The following HLA-DMB variants were observed in gnomAD, a reference collection of about 807,000 sequenced individuals.
HLA-DMB encodes major histocompatibility complex, class II, DM beta.
Under a neutral mutation model 29.3 loss-of-function variants are expected in HLA-DMB, and 18 were observed. The ratio of observed to expected loss-of-function variants is 0.62; its 90% CI spans 0.43 to 0.91. HLA-DMB has a LOEUF of 0.91. Among genes scored for constraint, HLA-DMB ranks in the 40% least tolerant of loss-of-function variants. The pLI is 0.00. For missense variants in HLA-DMB, 258 were observed against 320.9 expected, an observed-to-expected ratio of 0.80 and a Z score of 1.50; for synonymous variants, 143 against 128.7, an observed-to-expected ratio of 1.11 and a Z score of -0.75.
At position 32,937,375 on chromosome 6, in the gene HLA-DMB, A is replaced by C; in HGVS notation, c.419T>G (p.Phe140Cys). 6.2e-7 allele frequency: 1 copy of C among 1,614,212 alleles called. No individual in the cohort carries two copies. The highest frequency in any genetic ancestry group is 8.5e-7 in the Non-Finnish European group (1 of 1,180,028). The change falls in exon 3 of 6, where the codon TTC (phenylalanine) becomes TGC (cysteine). Residue 140 changes from phenylalanine to cysteine, a missense_variant. Coordinates refer to ENST00000418107, the MANE Select transcript of HLA-DMB (RefSeq NM_002118.5). This position sits in a 1 kb window ranked among gnomAD's most constrained non-coding sequence, Gnocchi z 4.1. The part of the protein sequence containing the change: ...PVMLACYVWG[F>C]YPAEVTITWR... ...CGTGATAGTCACTTCTGCTGGATAG[A>C]AGCCCCACACATAGCAGGCCAGCAT...
chr6:32,938,659 C>T, intron 2 of HLA-DMB, 25 bp downstream of exon 2: 1 of 1,440,160 alleles, frequency 6.9e-7, no homozygotes, highest in Non-Finnish European at 9.2e-7. Context: ...TTCCTGGTAG[C>T]CCCTCTGCAC....
chr6:32,935,417 A>G (rs745508379), intron 4 of HLA-DMB, 40 bp from the exon 5 acceptor site: 1 of 1,566,794 alleles, frequency 6.4e-7, no homozygotes, highest in Non-Finnish European at 8.8e-7. Flanking sequence ...GTCTTTGTGG[A>G]TGAAAATATC....
Position 32,935,334 on chromosome 6 carries a change from G to T in HLA-DMB, c.775+8C>A. The T allele has an allele frequency of 6.2e-7, 1 of 1,609,358 alleles. No homozygotes were observed. Among genetic ancestry groups the T allele is most frequent in the South Asian group, 1.1e-5 (1 of 91,006 alleles). On this transcript the variant is annotated splice_region_variant and intron_variant, in intron 5 of 5. Coordinates refer to ENST00000418107, the MANE Select transcript of HLA-DMB (RefSeq NM_002118.5). Reference sequence around the variant, plus strand: ...GCAAGTAGGGAAACAGACCAACAGAGATGTTACCTTCTGAATAATTGGACC... The same window carrying T: ...GCAAGTAGGGAAACAGACCAACAGATATGTTACCTTCTGAATAATTGGACC...
At position 32,940,898 on chromosome 6, in the gene HLA-DMB, TG is replaced by T; in HGVS notation, c.-92del. On this transcript the variant is annotated 5_prime_UTR_variant, in exon 1 of 6. Coordinates refer to ENST00000418107, the MANE Select transcript of HLA-DMB (RefSeq NM_002118.5). ...CTCGCCTGTCCCAGAAGCCCCAGCCTGGGTAGATGATCTCCAGACACTGAGC... is the reference window on the plus strand; with the variant it reads ...CTCGCCTGTCCCAGAAGCCCCAGCCTGGTAGATGATCTCCAGACACTGAGC... 1 of 970,468 alleles carries T rather than the reference TG, an allele frequency of 1.0e-6. No homozygotes were observed. The highest frequency in any genetic ancestry group is 2.1e-5 in the Admixed American group (1 of 47,868). The allele number at this position is 970,468 out of a possible 1,614,324, so 60.1% of individuals were successfully genotyped here.
intron 1 of HLA-DMB, among the ~76,000 whole-genome samples, chr6:32,939,597 T>A (rs1367480519): frequency 6.6e-6 from 1 of 152,222 alleles, no homozygotes; most frequent in Non-Finnish European, 1.5e-5. Context: ...ATACTTTATA[T>A]CATTTCAAAT....
intron 1 of HLA-DMB, among the ~76,000 whole-genome samples, chr6:32,939,832 AG>A (rs1462140170): frequency 6.6e-6 from 1 of 152,172 alleles, no homozygotes; most frequent in Admixed American, 6.5e-5. Context: ...AACCCCAAGG[AG>A]GGGGTCATGG....
chr6:32,934,859 A>T lies in HLA-DMB; in HGVS notation c.*112T>A. 8.9e-7 allele frequency: 1 copy of T among 1,126,664 alleles called. No individual in the cohort carries two copies. Among genetic ancestry groups the T allele is most frequent in the Admixed American group, 1.9e-5 (1 of 52,882 alleles). 69.8% of individuals were successfully genotyped at this position (1,126,664 alleles called of 1,614,324 possible). A position where few individuals can be genotyped will look rare whatever the true frequency, so the allele number is the denominator to read the frequency against. On this transcript the variant is annotated 3_prime_UTR_variant, in exon 6 of 6. Coordinates refer to ENST00000418107, the MANE Select transcript of HLA-DMB (RefSeq NM_002118.5). Reference sequence around the variant, plus strand: ...GGAAATTCAAAGAATTGGATGGAGAAACCATAGGATCCAAGATAATGTCAG... The same window carrying T: ...GGAAATTCAAAGAATTGGATGGAGATACCATAGGATCCAAGATAATGTCAG...
rs576084854 is a variant in HLA-DMB, at chr6:32,937,043, G to T, written c.622+129C>A. ...TCCCATTTCCCCATTCTGGTCCTAA[G>T]CCCCCCGTAAGTTCCTCCAGACTCA... is the stretch of plus-strand genomic sequence containing the variant. On this transcript the variant is annotated intron_variant, in intron 3 of 5. Transcript: ENST00000418107. The surrounding 1 kb of genome is among the most constrained non-coding windows in gnomAD (Gnocchi z 4.1). 2 of 672,758 alleles carry T rather than the reference G, an allele frequency of 3.0e-6. No individual in the cohort carries two copies. The highest frequency in any genetic ancestry group is 3.2e-5 in the South Asian group (1 of 31,158). The allele number at this position is 672,758 out of a possible 1,614,324, so 41.7% of individuals were successfully genotyped here.
At position 32,940,930 on chromosome 6, in the gene HLA-DMB, A is replaced by G. The variant is rs1776324635; in HGVS notation, c.-123T>C. ...ATGATCTCCAGACACTGAGCAGAAT[A>G]CTATATTGCCCGGGTCCCTTGACCC... On this transcript the variant is annotated 5_prime_UTR_variant, in exon 1 of 6. Coordinates refer to ENST00000418107, the MANE Select transcript of HLA-DMB (RefSeq NM_002118.5). The G allele has an allele frequency of 1.5e-6, 1 of 685,672 alleles. No individual in the cohort carries two copies. The highest frequency in any genetic ancestry group is 1.8e-5 in the African/African-American group (1 of 56,258). The allele number at this position is 685,672 out of a possible 1,614,324, so 42.5% of individuals were successfully genotyped here. A position where few individuals can be genotyped will look rare whatever the true frequency, so the allele number is the denominator to read the frequency against.
chr6:32,937,614 A>C lies in HLA-DMB; in HGVS notation c.338-158T>G. The C allele has an allele frequency of 1.6e-6, 1 of 622,178 alleles. No homozygotes were observed. The highest frequency in any genetic ancestry group is 2.8e-6 in the Non-Finnish European group (1 of 355,142). 38.5% of individuals were successfully genotyped at this position (622,178 alleles called of 1,614,324 possible). A position where few individuals can be genotyped will look rare whatever the true frequency, so the allele number is the denominator to read the frequency against. The stretch of plus-strand genomic sequence containing the variant: ...TGCCCCTTGAAGGGGAACCGTTAGA[A>C]TGTATTCCTGCATTACTCTTTCTTC... On this transcript the variant is annotated intron_variant, in intron 2 of 5. Transcript: ENST00000418107. The surrounding 1 kb of genome is among the most constrained non-coding windows in gnomAD (Gnocchi z 4.1).
Position 32,935,286 on chromosome 6 carries a change from C to G in HLA-DMB, c.775+56G>C, listed in dbSNP as rs952673072. ...TTAGTTGAACCCAACACTGACCCCTCTAACCCGCACCCCTACCAAAGGGCA... is the reference window on the plus strand; with the variant it reads ...TTAGTTGAACCCAACACTGACCCCTGTAACCCGCACCCCTACCAAAGGGCA... On this transcript the variant is annotated intron_variant, in intron 5 of 5. Transcript: ENST00000418107. The G allele has an allele frequency of 5.5e-5, 79 of 1,430,402 alleles. No homozygotes were observed. The African/African-American group carries it at 1.0e-3, about 19-fold the overall frequency. The allele number at this position is 1,430,402 out of a possible 1,614,324, so 88.6% of individuals were successfully genotyped here. A position where few individuals can be genotyped will look rare whatever the true frequency, so the allele number is the denominator to read the frequency against.
Position 32,937,319 on chromosome 6 carries a change from G to A in HLA-DMB, c.475C>T (p.His159Tyr), listed in dbSNP as rs754512342. 1.2e-6 allele frequency: 2 copies of A among 1,614,178 alleles called. No homozygotes were observed. Among genetic ancestry groups the A allele is most frequent in the South Asian group, 2.2e-5 (2 of 91,086 alleles). ...TGGGCAGTCTTGTGCGCACTGCTGT[G>A]AGGCATGACAAGCTTCCCGTTCTTC... ...WRKNGKLVMPHSSAHKTAQPN... is the reference protein window; with the variant it reads ...WRKNGKLVMPYSSAHKTAQPN... The change falls in exon 3 of 6, where the codon CAC becomes TAC. Residue 159 changes from histidine (H) to tyrosine (Y), a missense_variant. Physicochemically the swap from His to Tyr is moderately conservative, Grantham distance 83. Coordinates refer to ENST00000418107, the MANE Select transcript of HLA-DMB (RefSeq NM_002118.5). The surrounding 1 kb of genome is among the most constrained non-coding windows in gnomAD (Gnocchi z 4.1).
At chr6:32,939,973 T>C (rs752930618) in intron 1 of HLA-DMB, among the ~76,000 whole-genome samples, 3 of 151,442 alleles carry the variant, frequency 2.0e-5, no homozygotes, top group Non-Finnish European at 4.4e-5. Context: ...CTATGTTAAC[T>C]CTAGTTAATG....
chr6:32,938,720 T>C lies in HLA-DMB; in HGVS notation c.301A>G (p.Thr101Ala). Reference protein sequence around the residue: ...RNGLQNCATHTQPFWGSLTNR... With the variant: ...RNGLQNCATHAQPFWGSLTNR... Reference sequence around the variant, plus strand: ...GTCAGTGATCCCCAGAAGGGCTGGGTGTGTGTGGCACAATTCTGAAGCCCA... The same window carrying C: ...GTCAGTGATCCCCAGAAGGGCTGGGCGTGTGTGGCACAATTCTGAAGCCCA... Residue 101 changes from threonine (T) to alanine (A), a missense_variant, in exon 2 of 6, where the codon ACC becomes GCC. Coordinates refer to ENST00000418107, the MANE Select transcript of HLA-DMB (RefSeq NM_002118.5). The C allele has an allele frequency of 6.4e-7, 1 of 1,564,766 alleles. No individual in the cohort carries two copies. Among genetic ancestry groups the C allele is most frequent in the Non-Finnish European group, 8.7e-7 (1 of 1,153,986 alleles).
Position 32,937,200 on chromosome 6 carries a change from C to A in HLA-DMB, c.594G>T (p.Gly198=). ...DTYTCVVEHT[G]APEPILRDWT... ...AGTCCCGAAGGATGGGCTCAGGAGCCCCAGTGTGCTCTACCACACAGGTGT... is the reference window on the plus strand; with the variant it reads ...AGTCCCGAAGGATGGGCTCAGGAGCACCAGTGTGCTCTACCACACAGGTGT... The change falls in exon 3 of 6, where the codon GGG becomes GGT. Residue 198 remains glycine, a synonymous_variant. Transcript: ENST00000418107. This position sits in a 1 kb window ranked among gnomAD's most constrained non-coding sequence, Gnocchi z 4.1. The A allele has an allele frequency of 1.2e-6, 2 of 1,603,852 alleles. No individual in the cohort carries two copies. Among genetic ancestry groups the A allele is most frequent in the Non-Finnish European group, 1.7e-6 (2 of 1,172,606 alleles).
Position 32,937,295 on chromosome 6 carries a change from G to C in HLA-DMB, c.499C>G (p.Gln167Glu). Reference sequence around the variant, plus strand: ...TGGTATGTCCAGTCTCCATTGGGCTGGGCAGTCTTGTGCGCACTGCTGTGA... The same window carrying C: ...TGGTATGTCCAGTCTCCATTGGGCTCGGCAGTCTTGTGCGCACTGCTGTGA... ...MPHSSAHKTA[Q>E]PNGDWTYQTL... is the part of the protein sequence containing the mutation. The change falls in exon 3 of 6, where the codon CAG becomes GAG. Residue 167 changes from glutamine to glutamate, a missense_variant. By Grantham distance (29) the Gln-to-Glu change is conservative. Coordinates refer to ENST00000418107, the MANE Select transcript of HLA-DMB (RefSeq NM_002118.5). The surrounding 1 kb of genome is among the most constrained non-coding windows in gnomAD (Gnocchi z 4.1). The C allele has an allele frequency of 6.2e-7, 1 of 1,614,150 alleles. No homozygotes were observed. Among genetic ancestry groups the C allele is most frequent in the Non-Finnish European group, 8.5e-7 (1 of 1,180,022 alleles).
intron 3 of HLA-DMB, chr6:32,935,870 C>T (rs1486738169): frequency 6.9e-6 from 4 of 582,858 alleles, no homozygotes; most frequent in South Asian, 2.1e-5. Flanking sequence ...CCCATCTCCC[C>T]AGAATTAGCA....
In HLA-DMB at chr6:32,937,702, T is replaced by G. The variant is rs1776092281; in HGVS notation, c.338-246A>C. ...CTCCAGAATTATGTTTGATTACAATTAGTAAAAGCCAGATCTGAACTGCAA... is the reference window on the plus strand; with the variant it reads ...CTCCAGAATTATGTTTGATTACAATGAGTAAAAGCCAGATCTGAACTGCAA... On this transcript the variant is annotated intron_variant, in intron 2 of 5. Transcript: ENST00000418107. The surrounding 1 kb of genome is among the most constrained non-coding windows in gnomAD (Gnocchi z 4.1). 3.6e-6 allele frequency: 2 copies of G among 555,126 alleles called. No individual in the cohort carries two copies. Among genetic ancestry groups the G allele is most frequent in the African/African-American group, 3.7e-5 (2 of 53,372 alleles). 34.4% of individuals were successfully genotyped at this position (555,126 alleles called of 1,614,324 possible).
chr6:32,940,630 G>C (rs891590986), intron 1 of HLA-DMB, 123 bp downstream of exon 1: 10 of 644,052 alleles, frequency 1.6e-5, no homozygotes, highest in Non-Finnish European at 2.7e-5. Context: ...AGTACAAAGT[G>C]CTATAGGAAT....
Sources: gnomAD v4.1 joint callset for allele counts (sites outside exome capture counted in the v4.1 genomes callset) on GRCh38, gnomAD v4.1.1 for gene constraint, Gnocchi (gnomAD v3.1) non-coding constraint, MANE v1.5 for transcripts, NCBI Gene and HGNC (gene_info 2026-07-23, HGNC 2026-07-21) for gene names.